The following DBX2 variants were observed in gnomAD, a reference collection of about 807,000 sequenced individuals.
DBX2 encodes the protein homeobox protein DBX2.
A neutral mutation model predicts 17.7 loss-of-function variants in DBX2; 16 were observed. That is an observed-to-expected ratio of 0.90 (90% confidence interval 0.61 to 1.37). The LOEUF (loss-of-function observed/expected upper bound fraction) is 1.37. Ranked by LOEUF, DBX2 falls within the 40% of genes most tolerant of loss-of-function variation. The pLI, the probability that DBX2 is intolerant of heterozygous loss-of-function variation, is 0.00. For synonymous variants in DBX2, 255 were observed against 183.8 expected, an observed-to-expected ratio of 1.39 and a Z score of -3.13; for missense variants, 538 against 433.8, an observed-to-expected ratio of 1.24 and a Z score of -2.13.
intron 1 of DBX2, among the ~76,000 whole-genome samples, chr12:45,042,936 C>T (rs1946479438): frequency 6.6e-6 from 1 of 152,160 alleles, no homozygotes; most frequent in African/African-American, 2.4e-5. Flanking sequence ...CTGCCTTACC[C>T]TTCAGGGAGT....
intron 2 of DBX2, among the ~76,000 whole-genome samples, 191 bp from the exon 3 acceptor site, chr12:45,024,085 T>G (rs1289317775): frequency 6.6e-6 from 1 of 152,170 alleles, no homozygotes; most frequent in African/African-American, 2.4e-5. Context: ...AATCCCCATG[T>G]GCTGAGGGAG....
chr12:45,024,357 A>G (rs1946369691), intron 2 of DBX2, among the ~76,000 whole-genome samples: 1 of 152,178 alleles, frequency 6.6e-6, no homozygotes, highest in Non-Finnish European at 1.5e-5. Context: ...TAAACTACCC[A>G]GTCTCGGGTA....
intron 1 of DBX2, among the ~76,000 whole-genome samples, chr12:45,042,668 G>T (rs551608277): frequency 6.6e-6 from 1 of 152,332 alleles, no homozygotes; most frequent in Admixed American, 6.5e-5. Flanking sequence ...TTGGTGACAT[G>T]ATGAACACTA....
At chr12:45,035,818 C>A (rs1354832460) in intron 2 of DBX2, among the ~76,000 whole-genome samples, 1 of 152,012 alleles carries the variant, frequency 6.6e-6, no homozygotes, top group Non-Finnish European at 1.5e-5. Context: ...GGTTTCAATG[C>A]CATTAGAACT....
chr12:45,045,703 C>T (rs765943110), intron 1 of DBX2, among the ~76,000 whole-genome samples: 1 of 151,976 alleles, frequency 6.6e-6, no homozygotes, highest in Non-Finnish European at 1.5e-5. Flanking sequence ...CTTGGCAATC[C>T]CTTTGTTTTT....
At chr12:45,028,034 G>C (rs955096753) in intron 2 of DBX2, among the ~76,000 whole-genome samples, 1 of 152,222 alleles carries the variant, frequency 6.6e-6, no homozygotes, top group African/African-American at 2.4e-5. Flanking sequence ...GCAGCACCTA[G>C]AAGAACAGCA....
intron 1 of DBX2, among the ~76,000 whole-genome samples, chr12:45,036,447 T>C (rs926810366): frequency 3.9e-5 from 6 of 152,210 alleles, no homozygotes; most frequent in African/African-American, 1.4e-4. Flanking sequence ...CTATCTGTGA[T>C]GATTGGAAAT....
chr12:45,034,698 G>A (rs563261757), intron 2 of DBX2, among the ~76,000 whole-genome samples: 5 of 152,300 alleles, frequency 3.3e-5, no homozygotes, highest in African/African-American at 7.2e-5. Context: ...ATGGGAAGAT[G>A]AGCTAGAATG....
At chr12:45,036,245 T>G in intron 1 of DBX2, 131 bp from the exon 2 acceptor site, 1 of 818,156 alleles carries the variant, frequency 1.2e-6, no homozygotes, top group Non-Finnish European at 1.8e-6. Context: ...AAAGTTATTA[T>G]AAAGTAGCCT....
chr12:45,037,361 CA>C (rs1369163729), intron 1 of DBX2, among the ~76,000 whole-genome samples: 6 of 152,106 alleles, frequency 3.9e-5, no homozygotes, highest in African/African-American at 1.4e-4. Context: ...ACATTCTAAA[CA>C]GTCAAAAAAT....
chr12:45,045,482 T>C lies in DBX2; in HGVS notation c.403+5043A>G, dbSNP rs902917524. ...AAACAGAAATCATGCATGGATGTTGTGTCCTTCACTTTTAAGTTGCTACCA... is the reference window on the plus strand; with the variant it reads ...AAACAGAAATCATGCATGGATGTTGCGTCCTTCACTTTTAAGTTGCTACCA... On this transcript the variant is annotated intron_variant, in intron 1 of 3. Transcript: ENST00000332700. 2.6e-5 allele frequency among the ~76,000 whole-genome samples: 4 copies of C among 152,344 alleles called. No homozygotes were observed. In the East Asian group the frequency reaches 5.8e-4, roughly 22 times the overall value.
intron 2 of DBX2, among the ~76,000 whole-genome samples, chr12:45,026,364 C>T (rs150719656): frequency 1.6e-4 from 25 of 152,290 alleles, no homozygotes; most frequent in African/African-American, 5.3e-4. Context: ...ACTGTTAATG[C>T]TTACTTTGTG....
chr12:45,029,908 A>AAATAAATC (rs1163517748), intron 2 of DBX2, among the ~76,000 whole-genome samples: 1 of 150,754 alleles, frequency 6.6e-6, no homozygotes, highest in Non-Finnish European at 1.5e-5. Context: ...ATAAATAAAT[A>AAATAAATC]AATAAAAATA....
intron 1 of DBX2, among the ~76,000 whole-genome samples, chr12:45,041,212 A>C (rs985021241): frequency 6.7e-6 from 1 of 148,958 alleles, no homozygotes; most frequent in Non-Finnish European, 1.5e-5. Flanking sequence ...AAAATTAATA[A>C]ATTATAAATA....
In DBX2 at chr12:45,050,225, A is replaced by G. The variant is rs75009307; in HGVS notation, c.403+300T>C. Among the ~76,000 whole-genome samples the G allele has an allele frequency of 9.9e-3, 1,502 of 152,338 alleles. 13 individuals carry two copies. The highest frequency in any genetic ancestry group is 0.017 in the Non-Finnish European group (1,128 of 68,034). On this transcript the variant is annotated intron_variant, in intron 1 of 3. Transcript: ENST00000332700. ...GATCCAGGCAGGCCGTAGAACCCTC[A>G]GAGTTTCCCAGTTAAGGCCAAAAAG... is the stretch of plus-strand genomic sequence containing the variant.
At chr12:45,020,953 G>C (rs1946348992) in intron 3 of DBX2, among the ~76,000 whole-genome samples, 1 of 152,030 alleles carries the variant, frequency 6.6e-6, no homozygotes, top group Non-Finnish European at 1.5e-5. Flanking sequence ...GATTCCAGCA[G>C]AGTAAGATGA....
At chr12:45,039,277 G>GTGTATA (rs1491581232) in intron 1 of DBX2, among the ~76,000 whole-genome samples, 16 of 90,288 alleles carry the variant, frequency 1.8e-4, no homozygotes, top group East Asian at 1.2e-3. Flanking sequence ...TGCATTGAAG[G>GTGTATA]TATATATATA....
At chr12:45,043,950 T>C (rs1281006626) in intron 1 of DBX2, among the ~76,000 whole-genome samples, 2 of 152,142 alleles carry the variant, frequency 1.3e-5, no homozygotes, top group Non-Finnish European at 2.9e-5. Context: ...GTTATATGAA[T>C]TCCTTATGGT....
At chr12:45,033,038 T>C (rs571195507) in intron 2 of DBX2, among the ~76,000 whole-genome samples, 2 of 152,326 alleles carry the variant, frequency 1.3e-5, no homozygotes, top group Admixed American at 6.5e-5. Context: ...TTTTAATTTT[T>C]CCCCACTGTA....
Sources: allele counts gnomAD v4.1 joint callset (sites outside exome capture counted in the v4.1 genomes callset), GRCh38; gene constraint gnomAD v4.1.1; transcripts MANE v1.5; gene names NCBI Gene and HGNC (gene_info 2026-07-23, HGNC 2026-07-21).